Variants in TUSC3 observed in about 807,000 individuals in gnomAD.
TUSC3 encodes dolichyl-diphosphooligosaccharide--protein glycosyltransferase subunit TUSC3.
Under a neutral mutation model 44.8 loss-of-function variants are expected in TUSC3, and 45 were observed. The observed-to-expected ratio is 1.00, with a 90% CI of 0.79 to 1.29. TUSC3 has a LOEUF of 1.29. TUSC3 is among the 50% of genes most tolerant of loss of function. TUSC3 has a pLI of 0.00. For synonymous variants in TUSC3, 212 were observed against 152.9 expected (o/e 1.39, Z -2.85); for missense variants, 519 against 437.9 (o/e 1.19, Z -1.65).
At chr8:15,672,271 T>A (rs1807981726) in intron 5 of TUSC3, among the ~76,000 whole-genome samples, 1 of 152,048 alleles carries the variant, frequency 6.6e-6, no homozygotes, top group Non-Finnish European at 1.5e-5. Context: ...TTTTAAATGC[T>A]CTACATGGAT....
chr8:15,427,678 T>C (rs1799821154), intron 1 of TUSC3, among the ~76,000 whole-genome samples: 1 of 152,246 alleles, frequency 6.6e-6, no homozygotes, highest in African/African-American at 2.4e-5. Flanking sequence ...TCTCACCTTA[T>C]GCCCCTCAGT....
intron 6 of TUSC3, among the ~76,000 whole-genome samples, chr8:15,681,335 T>C (rs116892741): frequency 1.3e-5 from 2 of 151,934 alleles, no homozygotes; most frequent in Non-Finnish European, 1.5e-5. Context: ...TTTTTATTAC[T>C]GATTCAATTT....
intron 2 of TUSC3, among the ~76,000 whole-genome samples, chr8:15,523,066 C>G (rs1193555482): frequency 6.6e-6 from 1 of 152,114 alleles, no homozygotes; most frequent in Non-Finnish European, 1.5e-5. Context: ...CAGGCTGTTC[C>G]ATCACAAGTC....
chr8:15,530,112 C>G (rs1022613789), intron 2 of TUSC3, among the ~76,000 whole-genome samples: 3 of 151,972 alleles, frequency 2.0e-5, no homozygotes, highest in African/African-American at 7.3e-5. Flanking sequence ...TCCTGTATTA[C>G]ATCATATACA....
chr8:15,666,798 C>G (rs781322719), intron 5 of TUSC3, among the ~76,000 whole-genome samples: 7 of 151,116 alleles, frequency 4.6e-5, no homozygotes, highest in Non-Finnish European at 1.0e-4. Flanking sequence ...GCAACTATGT[C>G]ATTTGGCCAT....
At chr8:15,445,509 G>C (rs1800084332) in intron 1 of TUSC3, among the ~76,000 whole-genome samples, 1 of 152,004 alleles carries the variant, frequency 6.6e-6, no homozygotes. Context: ...ATTAGGGAGT[G>C]GTGATGACTC....
chr8:15,464,212 C>G (rs146257320), intron 1 of TUSC3, among the ~76,000 whole-genome samples: 1 of 152,202 alleles, frequency 6.6e-6, no homozygotes, highest in Non-Finnish European at 1.5e-5. Flanking sequence ...GAGCAAATAG[C>G]GAGTGACTAA....
chr8:15,589,623 A>G (rs1803739533), intron 1 of TUSC3, among the ~76,000 whole-genome samples: 1 of 152,194 alleles, frequency 6.6e-6, no homozygotes, highest in South Asian at 2.1e-4. Flanking sequence ...TCTTTAAGCT[A>G]ATGCTATTAT....
chr8:15,580,840 A>G (rs146612416), intron 1 of TUSC3, among the ~76,000 whole-genome samples: 3,424 of 143,956 alleles, frequency 0.024, 373 homozygotes, highest in African/African-American at 0.087. Context: ...CATTCCCTGT[A>G]TTTCCTTAAT....
At chr8:15,845,362 T>C in the TUSC3 span, among the ~76,000 whole-genome samples, 1 of 152,012 alleles carries the variant, frequency 6.6e-6, no homozygotes, top group African/African-American at 2.4e-5. Flanking sequence ...CAATAAGGAG[T>C]TTCAGAAAAT....
chr8:15,466,339 C>T (rs1449390375), intron 1 of TUSC3, among the ~76,000 whole-genome samples: 3 of 152,188 alleles, frequency 2.0e-5, no homozygotes, highest in Non-Finnish European at 4.4e-5. Flanking sequence ...TTAATTATTG[C>T]ACAGAACCTT....
At chr8:15,732,491 C>T (rs977152119) in intron 7 of TUSC3, among the ~76,000 whole-genome samples, 2 of 152,032 alleles carry the variant, frequency 1.3e-5, no homozygotes, top group African/African-American at 4.8e-5. Context: ...ATAAATTACC[C>T]AAGCTCATGT....
At chr8:15,667,195 C>A (rs1807700827) in intron 5 of TUSC3, among the ~76,000 whole-genome samples, 1 of 151,496 alleles carries the variant, frequency 6.6e-6, no homozygotes, top group Non-Finnish European at 1.5e-5. Flanking sequence ...GCATAATTTC[C>A]TTTCCATGGA....
At chr8:15,735,544 T>A (rs184883891) in intron 7 of TUSC3, among the ~76,000 whole-genome samples, 1 of 152,202 alleles carries the variant, frequency 6.6e-6, no homozygotes, top group Non-Finnish European at 1.5e-5. Context: ...TTTTAACCCA[T>A]TGTTTTTCTA....
chr8:15,556,117 T>C (rs1312252601), intron 1 of TUSC3, among the ~76,000 whole-genome samples: 1 of 150,340 alleles, frequency 6.7e-6, no homozygotes, highest in East Asian at 2.0e-4. Context: ...TAACTCGTCA[T>C]CTAGCATTAG....
intron 6 of TUSC3, among the ~76,000 whole-genome samples, chr8:15,699,892 G>A (rs768952140): frequency 6.6e-6 from 1 of 152,116 alleles, no homozygotes; most frequent in Non-Finnish European, 1.5e-5. Flanking sequence ...AATTATATAA[G>A]CATCAGCAAA....
intron 2 of TUSC3, among the ~76,000 whole-genome samples, chr8:15,642,700 GA>G (rs1157068340): frequency 6.6e-6 from 1 of 152,016 alleles, no homozygotes; most frequent in Non-Finnish European, 1.5e-5. Context: ...ATATATATAT[GA>G]ATTTACTTAA....
At position 15,694,435 on chromosome 8, in the gene TUSC3, CAAA is replaced by C. The variant is rs146718595; in HGVS notation, c.798+20622_798+20624del. ...TGAGCAACAAGACGGAAACTCCATC[CAAA>C]AAAAAAAAAAAAAAAAAAAAAAGAT... On this transcript the variant is annotated intron_variant, in intron 6 of 10. Coordinates refer to ENST00000503731, the MANE Select transcript of TUSC3 (RefSeq NM_006765.4). 5.6e-3 allele frequency among the ~76,000 whole-genome samples: 469 copies of C among 83,220 alleles called. 6 individuals are homozygous for C. The highest frequency in any genetic ancestry group is 0.024 in the African/African-American group (431 of 18,206). The allele number at this position is 83,220 out of a possible 152,430, so 54.6% of individuals were successfully genotyped here.
At chr8:15,845,834 C>G in the TUSC3 span, among the ~76,000 whole-genome samples, 1 of 152,112 alleles carries the variant, frequency 6.6e-6, no homozygotes, top group African/African-American at 2.4e-5. Flanking sequence ...AACAGAATTA[C>G]AAAACTGCTG....
Sources: allele counts gnomAD v4.1 joint callset (sites outside exome capture counted in the v4.1 genomes callset), GRCh38; gene constraint gnomAD v4.1.1; transcripts MANE v1.5; gene names NCBI Gene and HGNC (gene_info 2026-07-23, HGNC 2026-07-21).